CRTAP: variants seen among roughly 807,000 people sequenced by gnomAD.
CRTAP encodes the protein cartilage-associated protein.
Under a neutral mutation model 42.7 loss-of-function variants are expected in CRTAP, and 33 were observed. The ratio of observed to expected loss-of-function variants is 0.77; its 90% CI spans 0.59 to 1.03. The LOEUF (loss-of-function observed/expected upper bound fraction) is 1.03. CRTAP is among the 50% of genes least tolerant of loss of function. CRTAP has a pLI of 0.00. For synonymous variants in CRTAP, 243 were observed against 217.7 expected (o/e 1.12, Z -1.02); for missense variants, 613 against 533.9 (o/e 1.15, Z -1.46).
Position 33,134,225 on chromosome 3 carries a change from T to G in CRTAP, c.1112T>G (p.Leu371Arg). 6.2e-7 allele frequency: 1 copy of G among 1,613,340 alleles called. No individual in the cohort carries two copies. Among genetic ancestry groups the G allele is most frequent in the Non-Finnish European group, 8.5e-7 (1 of 1,179,234 alleles). The change falls in exon 6 of 7, where the codon CTG becomes CGG. Residue 371 changes from leucine (L) to arginine (R), a missense_variant. Coordinates refer to ENST00000320954, the MANE Select transcript of CRTAP (RefSeq NM_006371.5). ...AATGTGACCACACTCCAGAAGGAGC[T>G]GTATGACTTTGCTAAGGAAAATATA... ...FFNVTTLQKELYDFAKENIMD... is the reference protein window; with the variant it reads ...FFNVTTLQKERYDFAKENIMD...
chr3:33,118,901 A>G (rs1701379191), intron 1 of CRTAP, among the ~76,000 whole-genome samples: 1 of 152,204 alleles, frequency 6.6e-6, no homozygotes. Flanking sequence ...GCCAGCCCTG[A>G]AGCTCCGGGG....
chr3:33,130,174 A>G (rs1035791802), intron 4 of CRTAP, 107 bp downstream of exon 4: 31 of 1,098,924 alleles, frequency 2.8e-5, no homozygotes, highest in African/African-American at 9.3e-5. Flanking sequence ...ATCAAGGTCC[A>G]CTGACAACCC....
rs528495983 is a variant in CRTAP at position 33,120,884 on chromosome 3, C to T, written c.621+391C>T. ...TTTTATACACACTTGCACACAAACG[C>T]ACCCTAAATATATTAAGGTAGAAAA... On this transcript the variant is annotated intron_variant, in intron 2 of 6. Coordinates refer to ENST00000320954, the MANE Select transcript of CRTAP (RefSeq NM_006371.5). 1.6e-4 allele frequency among the ~76,000 whole-genome samples: 25 copies of T among 152,228 alleles called. No homozygotes were observed. In the East Asian group the frequency reaches 4.8e-3, roughly 29 times the overall value.
intron 6 of CRTAP, among the ~76,000 whole-genome samples, chr3:33,139,572 G>A (rs533250105): frequency 3.0e-4 from 46 of 151,822 alleles, no homozygotes; most frequent in Middle Eastern, 3.4e-3. Flanking sequence ...CGCCTCCCAG[G>A]TTCAAGTGAT....
rs1481754997 is a variant in CRTAP at position 33,144,127 on chromosome 3, A to C, written c.*1679A>C. 3.9e-5 allele frequency: 6 copies of C among 152,294 alleles called. No homozygotes were observed. The allele number at this position is 152,294 out of a possible 1,614,324, so 9.4% of individuals were successfully genotyped here. On this transcript the variant is annotated 3_prime_UTR_variant, in exon 7 of 7. Transcript: ENST00000320954. Reference sequence around the variant, plus strand: ...TCCAGGCTTGGGCCTGGGCCACAGCAACAGCAGTGGTCAAATATCTAGATT... The same window carrying C: ...TCCAGGCTTGGGCCTGGGCCACAGCCACAGCAGTGGTCAAATATCTAGATT...
In CRTAP at chr3:33,145,215, C is replaced by G. The variant is rs1196818838; in HGVS notation, c.*2767C>G. 9.2e-5 allele frequency: 14 copies of G among 152,546 alleles called. No individual in the cohort carries two copies. The highest frequency in any genetic ancestry group is 3.4e-4 in the African/African-American group (14 of 41,458). The allele number at this position is 152,546 out of a possible 1,614,324, so 9.4% of individuals were successfully genotyped here. A position where few individuals can be genotyped will look rare whatever the true frequency, so the allele number is the denominator to read the frequency against. On this transcript the variant is annotated 3_prime_UTR_variant, in exon 7 of 7. Transcript: ENST00000320954. The surrounding 1 kb of genome is among the most constrained non-coding windows in gnomAD (Gnocchi z 4.3). ...GACACCACGTCCTCACTCACCTGCA[C>G]AAGAATCCCTGCATCAGGTTCTCCT...
At position 33,114,035 on chromosome 3, in the gene CRTAP, TTCCCTTCCTTCG is replaced by T. The variant is rs1279836294; in HGVS notation, c.-31_-20del. 1.0e-5 allele frequency: 14 copies of T among 1,384,284 alleles called. No homozygotes were observed. The highest frequency in any genetic ancestry group is 1.4e-5 in the South Asian group (1 of 71,932). 85.8% of individuals were successfully genotyped at this position (1,384,284 alleles called of 1,614,324 possible). On this transcript the variant is annotated 5_prime_UTR_variant, in exon 1 of 7. Transcript: ENST00000320954. The stretch of plus-strand genomic sequence containing the variant: ...CTTTCCTTTCCTTCTCCCTCCCCTT[TTCCCTTCCTTCG>T]TCCCTTCCTTCCTTCCTTTCGCCGG...
chr3:33,127,108 T>C (rs1008970681), intron 3 of CRTAP, among the ~76,000 whole-genome samples: 3 of 151,702 alleles, frequency 2.0e-5, no homozygotes, highest in Admixed American at 2.0e-4. Flanking sequence ...GCTTTTTTTT[T>C]TTTTTTTTAA....
intron 1 of CRTAP, among the ~76,000 whole-genome samples, chr3:33,119,199 A>G (rs1701383841): frequency 6.6e-6 from 1 of 152,200 alleles, no homozygotes; most frequent in South Asian, 2.1e-4. Flanking sequence ...GAAAATGTGA[A>G]TTAATTTTAT....
At chr3:33,133,978 T>C (rs550126123) in intron 5 of CRTAP, among the ~76,000 whole-genome samples, 1 of 152,364 alleles carries the variant, frequency 6.6e-6, no homozygotes, top group Middle Eastern at 3.4e-3. Context: ...AATTGAGATA[T>C]AATTTATATA....
Position 33,120,429 on chromosome 3 carries a change from C to T in CRTAP, c.557C>T (p.Ala186Val). 6 of 1,613,166 alleles carry T rather than the reference C, an allele frequency of 3.7e-6. No homozygotes were observed. The highest frequency in any genetic ancestry group is 5.1e-6 in the Non-Finnish European group (6 of 1,179,132). Reference protein sequence around the residue: ...PDDEMMKRNMAYYKSLPGAED... With the variant: ...PDDEMMKRNMVYYKSLPGAED... Reference sequence around the variant, plus strand: ...GACGAAATGATGAAGAGGAACATGGCATATTATAAGAGCCTGCCTGGTGCC... The same window carrying T: ...GACGAAATGATGAAGAGGAACATGGTATATTATAAGAGCCTGCCTGGTGCC... Residue 186 changes from alanine (A) to valine (V), a missense_variant, in exon 2 of 7, where the codon GCA (alanine) becomes GTA (valine). Coordinates refer to ENST00000320954, the MANE Select transcript of CRTAP (RefSeq NM_006371.5).
At chr3:33,141,812 C>T (rs1269535890) in intron 6 of CRTAP, among the ~76,000 whole-genome samples, 1 of 152,196 alleles carries the variant, frequency 6.6e-6, no homozygotes, top group African/African-American at 2.4e-5. Flanking sequence ...AGCAGGTGAG[C>T]TCCTGGTACC....
chr3:33,142,324 T>C (rs1365455896), intron 6 of CRTAP, 71 bp from the exon 7 acceptor site: 1 of 1,385,762 alleles, frequency 7.2e-7, no homozygotes, highest in Non-Finnish European at 1.0e-6. Context: ...CTCGGGATAC[T>C]GTTTCTGCTC....
intron 1 of CRTAP, among the ~76,000 whole-genome samples, chr3:33,117,176 C>G (rs184157423): frequency 6.6e-6 from 1 of 152,150 alleles, no homozygotes; most frequent in Non-Finnish European, 1.5e-5. Flanking sequence ...GTGGCAGGCA[C>G]ATACATTCTA....
At chr3:33,129,800 G>A in intron 3 of CRTAP, 139 bp from the exon 4 acceptor site, 1 of 711,968 alleles carries the variant, frequency 1.4e-6, no homozygotes, top group Non-Finnish European at 2.4e-6. Flanking sequence ...GCCTCCCGAA[G>A]TGCTGGGATT....
At chr3:33,115,605 A>G (rs944777667) in intron 1 of CRTAP, among the ~76,000 whole-genome samples, 5 of 152,316 alleles carry the variant, frequency 3.3e-5, no homozygotes, top group Middle Eastern at 3.4e-3. Flanking sequence ...CTCAAAGCCC[A>G]GTTTCTACTT....
intron 2 of CRTAP, among the ~76,000 whole-genome samples, chr3:33,122,709 CAA>C (rs58820155): frequency 0.017 from 1,511 of 87,346 alleles, 22 homozygotes; most frequent in African/African-American, 0.045. Context: ...GACTCTGTCT[CAA>C]AAAAAAAAAA....
Position 33,127,640 on chromosome 3 carries a change from G to C in CRTAP, c.794-2299G>C, listed in dbSNP as rs571122077. Reference sequence around the variant, plus strand: ...TTTTTATATTTTTAGTAGAGACGGGGTTTCACCACGTTGGCCAGGCTGGTC... The same window carrying C: ...TTTTTATATTTTTAGTAGAGACGGGCTTTCACCACGTTGGCCAGGCTGGTC... On this transcript the variant is annotated intron_variant, in intron 3 of 6. Coordinates refer to ENST00000320954, the MANE Select transcript of CRTAP (RefSeq NM_006371.5). Among the ~76,000 whole-genome samples, 332 of 152,050 alleles carry C rather than the reference G, an allele frequency of 2.2e-3. 7 individuals are homozygous for C. The South Asian group carries it at 0.049, about 23-fold the overall frequency.
At chr3:33,121,800 C>CACT (rs1013203984) in intron 2 of CRTAP, among the ~76,000 whole-genome samples, 6 of 152,084 alleles carry the variant, frequency 3.9e-5, no homozygotes, top group African/African-American at 1.4e-4. Context: ...AATAAACTGC[C>CACT]ACTCTCTGGT....
Sources: gnomAD v4.1 joint callset for allele counts (sites outside exome capture counted in the v4.1 genomes callset) on GRCh38, gnomAD v4.1.1 for gene constraint, Gnocchi (gnomAD v3.1) non-coding constraint, MANE v1.5 for transcripts, NCBI Gene and HGNC (gene_info 2026-07-23, HGNC 2026-07-21) for gene names.